CNKSR2: variants seen among roughly 807,000 people sequenced by gnomAD.
CNKSR2 encodes CNK homolog protein 2.
A neutral mutation model predicts 84.4 loss-of-function variants in CNKSR2; 14 were observed. That is an observed-to-expected ratio of 0.17 (90% confidence interval 0.11 to 0.26). The LOEUF (loss-of-function observed/expected upper bound fraction) is 0.26, where lower values mean the gene tolerates loss of function less well. CNKSR2 is among the 10% of genes least tolerant of loss of function. The pLI is 1.00. For missense variants in CNKSR2, 485 were observed against 771.2 expected, an observed-to-expected ratio of 0.63 and a Z score of 4.40; for synonymous variants, 275 against 277.9, an observed-to-expected ratio of 0.99 and a Z score of 0.10.
chrX:21,509,627 A>G (rs967136333), intron 8 of CNKSR2, among the ~76,000 whole-genome samples: 1 of 111,785 alleles, frequency 8.9e-6, no homozygotes. Context: ...AACCATGACT[A>G]ATTCTTTATT....
chrX:21,641,776 G>A lies in CNKSR2; in HGVS notation c.2693-7055G>A, dbSNP rs2092692384. The A allele has an allele frequency of 2.4e-5, 25 of 1,020,686 alleles. No homozygotes were observed. In the Admixed American group the frequency reaches 9.5e-4, roughly 39 times the overall value. The allele number at this position is 1,020,686 out of a possible 1,213,427, so 84.1% of individuals were successfully genotyped here. ...TAGATCATCAAGTGTTTTGGATTGG[G>A]GGCCTCCCAAAGGGATATAAGAGGG... On this transcript the variant is annotated intron_variant, in intron 20 of 21. Transcript: ENST00000379510.
intron 1 of CNKSR2, among the ~76,000 whole-genome samples, chrX:21,405,333 T>C (rs2090249777): frequency 8.9e-6 from 1 of 112,235 alleles, no homozygotes; most frequent in Non-Finnish European, 1.9e-5. Context: ...TATCCTTCAG[T>C]GGAATTTGAT....
At chrX:21,530,039 A>G (rs940754082) in intron 10 of CNKSR2, among the ~76,000 whole-genome samples, 11 of 110,625 alleles carry the variant, frequency 9.9e-5, no homozygotes, top group Admixed American at 1.9e-4. Context: ...CAGTGCCACA[A>G]ATTCGTTAAG....
intron 10 of CNKSR2, among the ~76,000 whole-genome samples, chrX:21,529,527 A>G (rs1157205444): frequency 9.0e-6 from 1 of 111,301 alleles, no homozygotes; most frequent in Non-Finnish European, 1.9e-5. Flanking sequence ...ATGCTCTTTT[A>G]ATGCTTCCTT....
In CNKSR2 at chrX:21,426,658, T is replaced by C; in HGVS notation, c.226T>C (p.Leu76=). ...GGAAGCAGTTGACCTTCTGTGTGCA[T>C]TGGTAAGGACATAAAACTGGTGAAG... The part of the protein sequence containing the change: ...ILEAVDLLCA[L]NYGLETENLK... The change falls in exon 2 of 22, where the codon TTG becomes CTG. Residue 76 remains leucine (L), a splice_region_variant and synonymous_variant. Transcript: ENST00000379510. 1 of 1,197,281 alleles carries C rather than the reference T, an allele frequency of 8.4e-7. No individual in the cohort carries two copies. The highest frequency in any genetic ancestry group is 1.1e-6 in the Non-Finnish European group (1 of 890,510).
intron 4 of CNKSR2, among the ~76,000 whole-genome samples, chrX:21,456,858 A>G (rs1283007440): frequency 9.0e-6 from 1 of 111,648 alleles, no homozygotes; most frequent in Non-Finnish European, 1.9e-5. Context: ...TCTCTTCTCT[A>G]CGTTTTTGCC....
At chrX:21,521,588 G>C (rs1424297116) in intron 9 of CNKSR2, among the ~76,000 whole-genome samples, 1 of 110,618 alleles carries the variant, frequency 9.0e-6, no homozygotes. Context: ...GGACAATGCA[G>C]GATTAAAGAC....
chrX:21,439,569 T>G (rs2090756268), intron 3 of CNKSR2, among the ~76,000 whole-genome samples: 1 of 110,650 alleles, frequency 9.0e-6, no homozygotes, highest in African/African-American at 3.3e-5. Context: ...CTCTTAATGA[T>G]AAGAGCAGAA....
chrX:21,403,193 C>T (rs2090216384), intron 1 of CNKSR2, among the ~76,000 whole-genome samples: 1 of 111,124 alleles, frequency 9.0e-6, no homozygotes, highest in South Asian at 3.8e-4. Context: ...AGACTCTCCC[C>T]CACCTCATTT....
At chrX:21,380,185 A>C (rs985893792) in intron 1 of CNKSR2, among the ~76,000 whole-genome samples, 1 of 111,841 alleles carries the variant, frequency 8.9e-6, no homozygotes, top group Non-Finnish European at 1.9e-5. Context: ...TTAGCTGCCA[A>C]AAATAAGCCC....
At chrX:21,632,602 T>C (rs1172224687) in intron 20 of CNKSR2, among the ~76,000 whole-genome samples, 1 of 112,071 alleles carries the variant, frequency 8.9e-6, no homozygotes, top group Non-Finnish European at 1.9e-5. Context: ...AGGAATAATG[T>C]TTCATTTCAA....
intron 20 of CNKSR2, among the ~76,000 whole-genome samples, chrX:21,613,432 T>A (rs1253632639): frequency 8.9e-6 from 1 of 111,879 alleles, no homozygotes; most frequent in African/African-American, 3.2e-5. Context: ...AGTCATGATG[T>A]CCTTTATCAT....
chrX:21,445,512 C>T (rs184747413), intron 4 of CNKSR2, among the ~76,000 whole-genome samples: 2 of 110,534 alleles, frequency 1.8e-5, no homozygotes, highest in East Asian at 2.8e-4. Context: ...TAATTATATT[C>T]ATTCTACAGT....
intron 20 of CNKSR2, among the ~76,000 whole-genome samples, chrX:21,628,137 A>C (rs2092632194): frequency 8.9e-6 from 1 of 111,845 alleles, no homozygotes; most frequent in Non-Finnish European, 1.9e-5. Context: ...CAGGGCAGTA[A>C]AATCTTAAAG....
chrX:21,474,927 G>A (rs2091244522), intron 5 of CNKSR2, among the ~76,000 whole-genome samples: 1 of 111,761 alleles, frequency 8.9e-6, no homozygotes, highest in Non-Finnish European at 1.9e-5. Flanking sequence ...TCTTTGCAAG[G>A]AATAGGATAA....
chrX:21,461,056 G>A (rs1285746611), intron 4 of CNKSR2, among the ~76,000 whole-genome samples: 1 of 112,123 alleles, frequency 8.9e-6, no homozygotes, highest in Non-Finnish European at 1.9e-5. Context: ...CCCAGAAGTT[G>A]GATTGCTGGA....
At chrX:21,398,293 T>A (rs979285998) in intron 1 of CNKSR2, among the ~76,000 whole-genome samples, 1 of 111,715 alleles carries the variant, frequency 9.0e-6, no homozygotes, top group Non-Finnish European at 1.9e-5. Context: ...TTTATATAGG[T>A]CTCTTGTACT....
intron 1 of CNKSR2, chrX:21,424,269 C>T (rs1569160460): frequency 8.9e-6 from 1 of 111,786 alleles, no homozygotes; most frequent in Admixed American, 9.5e-5. Context: ...TGCTCAATCC[C>T]GTAGTCTGTC....
Position 21,484,015 on chromosome X carries a change from G to A in CNKSR2, c.562-6444G>A, listed in dbSNP as rs549123542. Among the ~76,000 whole-genome samples, 4 of 112,216 alleles carry A rather than the reference G, an allele frequency of 3.6e-5. No individual in the cohort carries two copies. In the South Asian group the frequency reaches 1.5e-3, roughly 41 times the overall value. On this transcript the variant is annotated intron_variant, in intron 5 of 21. Coordinates refer to ENST00000379510, the MANE Select transcript of CNKSR2 (RefSeq NM_014927.5). Reference sequence around the variant, plus strand: ...CAATAAAATAAAAACATACTGGCTGGGTGCAGTGGCCCATGCCTGTAATCC... The same window carrying A: ...CAATAAAATAAAAACATACTGGCTGAGTGCAGTGGCCCATGCCTGTAATCC...
Sources: gnomAD v4.1 joint callset for allele counts (sites outside exome capture counted in the v4.1 genomes callset) on GRCh38, gnomAD v4.1.1 for gene constraint, MANE v1.5 for transcripts, NCBI Gene and HGNC (gene_info 2026-07-23, HGNC 2026-07-21) for gene names.